Variants in CHD7 observed in about 807,000 individuals in gnomAD.
CHD7 encodes chromodomain helicase DNA binding protein 7.
CHD7 carries 24 observed loss-of-function variants against 307.3 expected under a neutral mutation model. The observed-to-expected ratio is 0.08, with a 90% CI of 0.06 to 0.11. CHD7 has a LOEUF of 0.11. CHD7 is among the 10% of genes least tolerant of loss of function. The pLI, the probability that CHD7 is intolerant of heterozygous loss-of-function variation, is 1.00. For synonymous variants in CHD7, 1,363 were observed against 1,349.9 expected, an observed-to-expected ratio of 1.01 and a Z score of -0.21; for missense variants, 3,106 against 3,727.1, an observed-to-expected ratio of 0.83 and a Z score of 4.34.
rs750503530 is a variant in CHD7, at chr8:60,856,825, G to A, written c.7545G>A (p.Arg2515=). The change falls in exon 34 of 38, where the codon AGG becomes AGA. Residue 2515 remains arginine (R), a synonymous_variant. Coordinates refer to ENST00000423902, the MANE Select transcript of CHD7 (RefSeq NM_017780.4). ...CTCCCATGAAGAGGAGGCGGGGAAG[G>A]AGGAAAAATGTGGAGGGACTTGATC... ...GEPPMKRRRG[R]RKNVEGLDLL... 6.3e-7 allele frequency: 1 copy of A among 1,593,636 alleles called. No individual in the cohort carries two copies. The highest frequency in any genetic ancestry group is 8.5e-7 in the Non-Finnish European group (1 of 1,170,218).
At chr8:60,834,281 A>G (rs1234937130) in intron 15 of CHD7, among the ~76,000 whole-genome samples, 1 of 152,214 alleles carries the variant, frequency 6.6e-6, no homozygotes, top group Non-Finnish European at 1.5e-5. Context: ...TAAATGGCTA[A>G]AATACTATAT....
chr8:60,827,165 G>A (rs1197274639), intron 13 of CHD7, among the ~76,000 whole-genome samples: 1 of 151,968 alleles, frequency 6.6e-6, no homozygotes, highest in Non-Finnish European at 1.5e-5. Flanking sequence ...GAGTTAGTGG[G>A]TGCAGCGCAC....
chr8:60,830,762 A>G (rs981461493), intron 15 of CHD7, among the ~76,000 whole-genome samples, 185 bp downstream of exon 15: 1 of 152,112 alleles, frequency 6.6e-6, no homozygotes, highest in East Asian at 1.9e-4. Context: ...GTGAGTGACC[A>G]TTGCCCCAGC....
chr8:60,845,262 C>T lies in CHD7; in HGVS notation c.5063C>T (p.Pro1688Leu). ...ALVNHSGLSA[P>L]VPRGRKGKKV... ...ATGGTGATTCTAGGTTTGTCAGCTC[C>T]TGTGCCAAGGGGAAGGAAGGGAAAG... The change falls in exon 23 of 38, where the codon CCT (proline) becomes CTT (leucine). Residue 1688 changes from proline (P) to leucine (L), a missense_variant. By Grantham distance (98) the Pro-to-Leu change is moderately conservative. This residue lies in a region of CHD7 where 28 missense variants were observed against 64.7 expected (regional missense o/e 0.43). Coordinates refer to ENST00000423902, the MANE Select transcript of CHD7 (RefSeq NM_017780.4). The T allele has an allele frequency of 6.2e-7, 1 of 1,611,366 alleles. No individual in the cohort carries two copies. The highest frequency in any genetic ancestry group is 8.5e-7 in the Non-Finnish European group (1 of 1,177,940).
chr8:60,742,934 A>G lies in CHD7; in HGVS notation c.1502A>G (p.His501Arg), dbSNP rs1251568366. Residue 501 changes from histidine (H) to arginine (R), a missense_variant, in exon 2 of 38, where the codon CAT (histidine) becomes CGT (arginine). Coordinates refer to ENST00000423902, the MANE Select transcript of CHD7 (RefSeq NM_017780.4). ...IQERLIPGQQ[H>R]PGQQPSFQQL... ...GAACGACTGATACCTGGCCAACAAC[A>G]TCCTGGTCAACAGCCATCTTTTCAG... 4 of 1,613,230 alleles carry G rather than the reference A, an allele frequency of 2.5e-6. No individual in the cohort carries two copies. Among genetic ancestry groups the G allele is most frequent in the Non-Finnish European group, 3.4e-6 (4 of 1,179,578 alleles).
In CHD7 at chr8:60,844,864, T is replaced by G. The variant is rs181927766; in HGVS notation, c.4851T>G (p.Gly1617=). ...FRVEKNLLVY[G]WGRWTDILSH... Reference sequence around the variant, plus strand: ...TGCATGCTGGATATTTGCTTTGCAGTTGGGGACGGTGGACAGACATTCTTT... The same window carrying G: ...TGCATGCTGGATATTTGCTTTGCAGGTGGGGACGGTGGACAGACATTCTTT... Residue 1617 remains glycine (G), a splice_region_variant and synonymous_variant, in exon 22 of 38, where the codon GGT becomes GGG. Transcript: ENST00000423902. 9.6e-5 allele frequency: 152 copies of G among 1,587,014 alleles called. 1 individual carries two copies. The East Asian group carries it at 3.4e-3, about 35-fold the overall frequency.
At chr8:60,697,519 A>G (rs572348017) in intron 1 of CHD7, among the ~76,000 whole-genome samples, 1 of 152,358 alleles carries the variant, frequency 6.6e-6, no homozygotes, top group East Asian at 1.9e-4. Flanking sequence ...TGTTGGTAAC[A>G]TAAGACTTGA....
At position 60,742,611 on chromosome 8, in the gene CHD7, A is replaced by T. The variant is rs111238892; in HGVS notation, c.1179A>T (p.Pro393=). 4 of 1,612,676 alleles carry T rather than the reference A, an allele frequency of 2.5e-6. No individual in the cohort carries two copies. The change falls in exon 2 of 38, where the codon CCA becomes CCT. Residue 393 remains proline (P), a synonymous_variant. Coordinates refer to ENST00000423902, the MANE Select transcript of CHD7 (RefSeq NM_017780.4). ...AGCCTCAGGGAACTTATGCCTCTCC[A>T]CCTCCCATGTCACCCATGAAAGCAA... ...PSQPQGTYAS[P]PPMSPMKAMS... is the part of the protein sequence containing the mutation.
intron 1 of CHD7, among the ~76,000 whole-genome samples, chr8:60,708,431 A>G (rs1807118543): frequency 1.3e-5 from 2 of 151,938 alleles, no homozygotes; most frequent in Admixed American, 6.6e-5. Context: ...TCTCTTCTGG[A>G]CTCCTGCAGA....
intron 7 of CHD7, among the ~76,000 whole-genome samples, chr8:60,814,212 G>A (rs1183806163): frequency 6.6e-6 from 1 of 152,106 alleles, no homozygotes; most frequent in African/African-American, 2.4e-5. Flanking sequence ...TATCATCAGA[G>A]TCTAGAAAGC....
In CHD7 at chr8:60,852,576, A is replaced by G. The variant is rs768313777; in HGVS notation, c.5973A>G (p.Gln1991=). The G allele has an allele frequency of 2.5e-6, 4 of 1,614,006 alleles. No individual in the cohort carries two copies. Among genetic ancestry groups the G allele is most frequent in the Admixed American group, 1.7e-5 (1 of 60,026 alleles). ...FGVIFDPVKQ[Q]FDWNQFRAFA... is the part of the protein sequence containing the mutation. The stretch of plus-strand genomic sequence containing the variant: ...TTATTTTTGACCCTGTGAAACAGCA[A>G]TTTGACTGGAACCAATTTAGAGCCT... The change falls in exon 30 of 38, where the codon CAA becomes CAG. Residue 1991 remains glutamine, a synonymous_variant. Coordinates refer to ENST00000423902, the MANE Select transcript of CHD7 (RefSeq NM_017780.4).
chr8:60,828,634 G>T (rs780024187), intron 13 of CHD7, 29 bp from the exon 14 acceptor site: 5 of 1,581,574 alleles, frequency 3.2e-6, no homozygotes, highest in Non-Finnish European at 3.4e-6. Flanking sequence ...GTTACAATTT[G>T]GTTAGTGGCT....
intron 3 of CHD7, among the ~76,000 whole-genome samples, chr8:60,783,952 G>A (rs1811377438): frequency 6.6e-6 from 1 of 152,198 alleles, no homozygotes; most frequent in South Asian, 2.1e-4. Flanking sequence ...GAGGTTTTAA[G>A]TAAATTAACA....
At chr8:60,700,287 A>G (rs1000963930) in intron 1 of CHD7, among the ~76,000 whole-genome samples, 6 of 152,172 alleles carry the variant, frequency 3.9e-5, no homozygotes, top group African/African-American at 1.4e-4. Context: ...CACCTTCACA[A>G]AATGTTAGAA....
intron 2 of CHD7, among the ~76,000 whole-genome samples, chr8:60,753,306 C>G (rs1376083575): frequency 2.6e-5 from 4 of 152,186 alleles, no homozygotes; most frequent in Non-Finnish European, 5.9e-5. Context: ...GTGGGAACCC[C>G]TGTGCTCAGT....
intron 1 of CHD7, among the ~76,000 whole-genome samples, chr8:60,729,980 A>G (rs1462210018): frequency 6.6e-6 from 1 of 152,238 alleles, no homozygotes; most frequent in Non-Finnish European, 1.5e-5. Context: ...ACTTAAAATT[A>G]GAATTGGTTA....
rs377618001 is a variant in CHD7, at chr8:60,750,667, G to A, written c.1665+7570G>A. On this transcript the variant is annotated intron_variant, in intron 2 of 37. Coordinates refer to ENST00000423902, the MANE Select transcript of CHD7 (RefSeq NM_017780.4). ...AAAAATTGCTTGTGAGATATTTTAC[G>A]CAAGAATTTAAAACCTGATATGTAT... Among the ~76,000 whole-genome samples, 7 of 152,264 alleles carry A rather than the reference G, an allele frequency of 4.6e-5. No individual in the cohort carries two copies. The East Asian group carries it at 7.7e-4, about 17-fold the overall frequency.
intron 5 of CHD7, among the ~76,000 whole-genome samples, chr8:60,801,271 G>A (rs1306488213): frequency 6.6e-6 from 1 of 152,088 alleles, no homozygotes; most frequent in Non-Finnish European, 1.5e-5. Context: ...ATTTCTGATT[G>A]CTCTCTAGCT....
chr8:60,762,295 T>C (rs1457069130), intron 2 of CHD7, among the ~76,000 whole-genome samples: 1 of 152,202 alleles, frequency 6.6e-6, no homozygotes, highest in African/African-American at 2.4e-5. Context: ...TTAGAAATCC[T>C]TATGTCTGCA....
Sources: allele counts gnomAD v4.1 joint callset (sites outside exome capture counted in the v4.1 genomes callset), GRCh38; gene constraint gnomAD v4.1.1; regional missense constraint gnomAD v4.1.1; transcripts MANE v1.5; gene names NCBI Gene and HGNC (gene_info 2026-07-23, HGNC 2026-07-21).